Variants in PSMA1 observed in about 807,000 individuals in gnomAD.
PSMA1 encodes proteasome 20S subunit alpha 1.
Under a neutral mutation model 38.4 loss-of-function variants are expected in PSMA1, and 3 were observed. That is an observed-to-expected ratio of 0.08 (90% CI 0.04 to 0.20). PSMA1 has a LOEUF of 0.20. Ranked by LOEUF, PSMA1 falls within the 10% of genes least tolerant of loss-of-function variation. The pLI is 1.00. For synonymous variants in PSMA1, 101 were observed against 107.1 expected, an observed-to-expected ratio of 0.94 and a Z score of 0.35; for missense variants, 227 against 325.3, an observed-to-expected ratio of 0.70 and a Z score of 2.32.
At chr11:14,555,820 G>GA (rs1851936071) in intron 2 of PSMA1, among the ~76,000 whole-genome samples, 1 of 152,168 alleles carries the variant, frequency 6.6e-6, no homozygotes, top group Non-Finnish European at 1.5e-5. Context: ...ACTGCTTGAT[G>GA]TTCACTTCAT....
chr11:14,544,131 G>A (rs1851800553), intron 2 of PSMA1, among the ~76,000 whole-genome samples: 1 of 152,144 alleles, frequency 6.6e-6, no homozygotes, highest in Non-Finnish European at 1.5e-5. Context: ...CTGGGCTCAA[G>A]CGATCCTCCC....
intron 4 of PSMA1, among the ~76,000 whole-genome samples, 198 bp from the exon 5 acceptor site, chr11:14,514,689 A>G (rs183940813): frequency 1.8e-4 from 28 of 152,328 alleles, no homozygotes; most frequent in Admixed American, 7.2e-4. Flanking sequence ...GTTTTTAAAA[A>G]AGACTGAAAC....
At chr11:14,628,016 A>T (rs1055838422) in intron 1 of PSMA1, among the ~76,000 whole-genome samples, 1 of 152,124 alleles carries the variant, frequency 6.6e-6, no homozygotes, top group Non-Finnish European at 1.5e-5. Flanking sequence ...GTGGCAGATG[A>T]GTGAGCCTTA....
chr11:14,527,606 G>A (rs1220235869), intron 2 of PSMA1, among the ~76,000 whole-genome samples: 1 of 152,132 alleles, frequency 6.6e-6, no homozygotes, highest in African/African-American at 2.4e-5. Context: ...GCCCAGGACT[G>A]GCAAATTGAC....
chr11:14,551,656 G>A (rs982564213), intron 2 of PSMA1, among the ~76,000 whole-genome samples: 19 of 152,174 alleles, frequency 1.2e-4, no homozygotes, highest in African/African-American at 4.3e-4. Context: ...TGATGTGAAT[G>A]TCCCTATTGT....
chr11:14,639,703 T>C (rs141633333), intron 1 of PSMA1, among the ~76,000 whole-genome samples: 25 of 152,368 alleles, frequency 1.6e-4, no homozygotes, highest in African/African-American at 5.3e-4. Context: ...CATAGGATAC[T>C]TGAGTTATCC....
intron 1 of PSMA1, among the ~76,000 whole-genome samples, chr11:14,640,934 C>G (rs895922381): frequency 4.6e-5 from 7 of 151,968 alleles, no homozygotes; most frequent in Admixed American, 1.3e-4. Flanking sequence ...AAGAAATACC[C>G]AGGGGCTTGC....
At chr11:14,597,304 G>T (rs2134191653) in intron 2 of PSMA1, among the ~76,000 whole-genome samples, 1 of 152,342 alleles carries the variant, frequency 6.6e-6, no homozygotes, top group African/African-American at 2.4e-5. Flanking sequence ...GATTGGAATA[G>T]TTTCAAAAGG....
At chr11:14,514,931 G>A (rs769396037) in intron 4 of PSMA1, among the ~76,000 whole-genome samples, 5 of 152,134 alleles carry the variant, frequency 3.3e-5, no homozygotes, top group Admixed American at 6.6e-5. Flanking sequence ...AACACAGCAG[G>A]GGGGATCTTT....
chr11:14,589,365 A>ATATATG (rs1554971452), intron 2 of PSMA1, among the ~76,000 whole-genome samples: 274 of 147,644 alleles, frequency 1.9e-3, no homozygotes, highest in Non-Finnish European at 2.7e-3. Flanking sequence ...ATATATATAT[A>ATATATG]TGTGTGTGTG....
At chr11:14,541,035 A>C (rs1217703709) in intron 2 of PSMA1, among the ~76,000 whole-genome samples, 4 of 152,174 alleles carry the variant, frequency 2.6e-5, no homozygotes, top group Admixed American at 6.5e-5. Flanking sequence ...ACATGTATAC[A>C]TATGTAACAA....
chr11:14,513,983 T>A (rs1232304593), intron 5 of PSMA1, 96 bp from the exon 6 acceptor site: 18 of 1,398,396 alleles, frequency 1.3e-5, no homozygotes, highest in Non-Finnish European at 1.7e-5. Context: ...GCTTATTCTT[T>A]AATTGTTGCA....
chr11:14,557,306 C>T (rs1394547179), intron 2 of PSMA1, among the ~76,000 whole-genome samples: 1 of 151,218 alleles, frequency 6.6e-6, no homozygotes. Context: ...AGTGTGATCT[C>T]GGCTCACTGC....
At chr11:14,575,484 C>T (rs1433048205) in intron 2 of PSMA1, among the ~76,000 whole-genome samples, 1 of 151,956 alleles carries the variant, frequency 6.6e-6, no homozygotes, top group Non-Finnish European at 1.5e-5. Flanking sequence ...TCTTCAATTC[C>T]CACCTACGAG....
chr11:14,606,513 T>C (rs554218841), intron 2 of PSMA1, among the ~76,000 whole-genome samples: 3 of 152,264 alleles, frequency 2.0e-5, no homozygotes, highest in Admixed American at 2.0e-4. Context: ...ATTTAATAGT[T>C]TAAAAACCTT....
At chr11:14,627,633 G>A (rs1270797995) in intron 1 of PSMA1, among the ~76,000 whole-genome samples, 1 of 152,134 alleles carries the variant, frequency 6.6e-6, no homozygotes, top group Non-Finnish European at 1.5e-5. Context: ...TGTCCCATGT[G>A]TTGTAAAAAT....
At chr11:14,610,790 A>G (rs780833456) in intron 2 of PSMA1, 33 of 601,056 alleles carry the variant, frequency 5.5e-5, no homozygotes, top group Non-Finnish European at 8.5e-5. Flanking sequence ...GGATTTGAGC[A>G]TCTTCTTTCC....
chr11:14,575,638 T>G (rs923127379), intron 2 of PSMA1, among the ~76,000 whole-genome samples: 2 of 152,222 alleles, frequency 1.3e-5, no homozygotes, highest in Non-Finnish European at 2.9e-5. Flanking sequence ...ATGTGCCACA[T>G]TTTCTTCATC....
At chr11:14,570,339 T>A (rs1852123031) in intron 2 of PSMA1, among the ~76,000 whole-genome samples, 1 of 152,106 alleles carries the variant, frequency 6.6e-6, no homozygotes, top group South Asian at 2.1e-4. Context: ...TCACCAGCAA[T>A]GGAACAAAGC....
Sources: gnomAD v4.1 joint callset for allele counts (sites outside exome capture counted in the v4.1 genomes callset) on GRCh38, gnomAD v4.1.1 for gene constraint, MANE v1.5 for transcripts, NCBI Gene and HGNC (gene_info 2026-07-23, HGNC 2026-07-21) for gene names.